RANBP17: variants seen among roughly 807,000 people sequenced by gnomAD.
RANBP17 encodes RAN binding protein 17.
Under a neutral mutation model 141.2 loss-of-function variants are expected in RANBP17, and 158 were observed. The observed-to-expected ratio is 1.12, with a 90% CI of 0.98 to 1.28. The LOEUF is 1.28. RANBP17 is among the 50% of genes most tolerant of loss of function. RANBP17 has a pLI of 0.00. For missense variants in RANBP17, 1,438 were observed against 1,290.7 expected (o/e 1.11, Z -1.75); for synonymous variants, 430 against 450.0 (o/e 0.96, Z 0.56).
At chr5:171,194,064 T>C (rs1761820802) in intron 18 of RANBP17, among the ~76,000 whole-genome samples, 1 of 152,284 alleles carries the variant, frequency 6.6e-6, no homozygotes, top group East Asian at 1.9e-4. Context: ...ATTACTTGCT[T>C]CTCCTTGCCC....
At position 170,924,375 on chromosome 5, in the gene RANBP17, A is replaced by G; in HGVS notation, c.1293A>G (p.Pro431=). 6 of 1,591,938 alleles carry G rather than the reference A, an allele frequency of 3.8e-6. No individual in the cohort carries two copies. The East Asian group carries it at 1.4e-4, about 36-fold the overall frequency. Residue 431 remains proline, a synonymous_variant, in exon 12 of 28, where the codon CCA becomes CCG. Coordinates refer to ENST00000523189, the MANE Select transcript of RANBP17 (RefSeq NM_022897.5). ...AIVVRDHLDD[P]LDDTATVFQQ... is the part of the protein sequence containing the mutation. ...TTTGCAGAGATCACTTAGATGATCCACTGGATGATACTGCCACTGTGTTTC... is the reference window on the plus strand; with the variant it reads ...TTTGCAGAGATCACTTAGATGATCCGCTGGATGATACTGCCACTGTGTTTC...
chr5:171,044,598 A>T (rs539367881), intron 14 of RANBP17, among the ~76,000 whole-genome samples: 3 of 152,186 alleles, frequency 2.0e-5, no homozygotes, highest in African/African-American at 7.2e-5. Flanking sequence ...ATATTAGAGA[A>T]ACTGTCAATA....
chr5:170,905,502 A>G (rs929039891), intron 5 of RANBP17, among the ~76,000 whole-genome samples: 1 of 152,130 alleles, frequency 6.6e-6, no homozygotes. Flanking sequence ...ATTAGAAAAT[A>G]TTTTTAGATT....
At chr5:170,954,511 TACACACACACACAC>T (rs71787034) in intron 13 of RANBP17, among the ~76,000 whole-genome samples, 11 of 125,708 alleles carry the variant, frequency 8.8e-5, no homozygotes, top group East Asian at 7.2e-4. Flanking sequence ...TGGTATATTT[TACACACACACACAC>T]ACACACACAC....
chr5:170,862,299 G>A (rs1346032742), intron 1 of RANBP17, among the ~76,000 whole-genome samples: 1 of 152,186 alleles, frequency 6.6e-6, no homozygotes, highest in Non-Finnish European at 1.5e-5. Flanking sequence ...CGGGTGGAGG[G>A]GGCGGGGGAC....
At chr5:171,210,277 C>G (rs1762799779) in intron 20 of RANBP17, among the ~76,000 whole-genome samples, 1 of 152,088 alleles carries the variant, frequency 6.6e-6, no homozygotes, top group African/African-American at 2.4e-5. Flanking sequence ...CTCTGCAGCC[C>G]TTTTAACCTC....
Position 171,092,387 on chromosome 5 carries a change from T to A in RANBP17, c.1711-77743T>A, listed in dbSNP as rs1786362062. Among the ~76,000 whole-genome samples, 3 of 152,322 alleles carry A rather than the reference T, an allele frequency of 2.0e-5. No individual in the cohort carries two copies. In the South Asian group the frequency reaches 6.2e-4, roughly 32 times the overall value. The stretch of plus-strand genomic sequence containing the variant: ...GCAGTGACTCATACAACAAAAATGT[T>A]CCCAGTTTGTGAGTGACGCTCTGTG... On this transcript the variant is annotated intron_variant, in intron 14 of 27. Transcript: ENST00000523189.
intron 14 of RANBP17, among the ~76,000 whole-genome samples, chr5:171,137,952 T>G (rs1002062247): frequency 4.7e-5 from 6 of 127,734 alleles, no homozygotes; most frequent in Non-Finnish European, 6.6e-5. Context: ...ATATATGAGA[T>G]ATATATATAT....
At chr5:171,056,811 ATT>A (rs1432708338) in intron 14 of RANBP17, among the ~76,000 whole-genome samples, 2 of 151,596 alleles carry the variant, frequency 1.3e-5, no homozygotes, top group African/African-American at 4.8e-5. Context: ...ATTTAGCCAA[ATT>A]ATACCTCAAA....
chr5:171,260,300 CAA>C (rs35656692), intron 24 of RANBP17, among the ~76,000 whole-genome samples: 2 of 108,562 alleles, frequency 1.8e-5, no homozygotes, highest in Middle Eastern at 4.7e-3. Flanking sequence ...GACTCCATCT[CAA>C]AAAAAAAAAA....
At chr5:171,195,951 T>G (rs1761954473) in intron 18 of RANBP17, among the ~76,000 whole-genome samples, 1 of 152,220 alleles carries the variant, frequency 6.6e-6, no homozygotes, top group African/African-American at 2.4e-5. Flanking sequence ...GCGTAAGCAC[T>G]CAAGGAATAA....
chr5:171,235,661 G>A (rs1764497641), intron 22 of RANBP17, among the ~76,000 whole-genome samples: 1 of 152,102 alleles, frequency 6.6e-6, no homozygotes, highest in African/African-American at 2.4e-5. Flanking sequence ...GAGTGCAGTG[G>A]TGTGATCATG....
At chr5:171,070,982 G>T (rs2127692397) in intron 14 of RANBP17, among the ~76,000 whole-genome samples, 2 of 152,030 alleles carry the variant, frequency 1.3e-5, no homozygotes, top group Admixed American at 1.3e-4. Flanking sequence ...AAACATTCTG[G>T]TACATAACTG....
At chr5:170,955,613 C>T (rs866009941) in intron 13 of RANBP17, among the ~76,000 whole-genome samples, 6 of 33,578 alleles carry the variant, frequency 1.8e-4, no homozygotes, top group African/African-American at 6.6e-4. Context: ...TATATATGCT[C>T]AGTGTATATA....
intron 12 of RANBP17, among the ~76,000 whole-genome samples, chr5:170,948,290 G>A (rs556890176): frequency 6.6e-6 from 1 of 152,154 alleles, no homozygotes; most frequent in Admixed American, 6.6e-5. Flanking sequence ...TAAGTACCTA[G>A]GATAGATAAT....
At chr5:170,939,703 A>G (rs1774179457) in intron 12 of RANBP17, among the ~76,000 whole-genome samples, 2 of 152,186 alleles carry the variant, frequency 1.3e-5, no homozygotes, top group African/African-American at 4.8e-5. Context: ...CATTCATTTT[A>G]ACATTCATAG....
chr5:170,994,907 A>G (rs1395861380), intron 14 of RANBP17, among the ~76,000 whole-genome samples: 1 of 152,068 alleles, frequency 6.6e-6, no homozygotes, highest in Admixed American at 6.6e-5. Context: ...TTAAATCTAG[A>G]TCTTATGTCA....
intron 11 of RANBP17, among the ~76,000 whole-genome samples, chr5:170,919,876 T>C (rs1166066603): frequency 1.4e-5 from 2 of 143,182 alleles, no homozygotes; most frequent in South Asian, 2.1e-4. Context: ...TACCTGTAAT[T>C]TTTTTTTTGT....
chr5:171,128,023 T>C (rs1171092159), intron 14 of RANBP17, among the ~76,000 whole-genome samples: 1 of 152,088 alleles, frequency 6.6e-6, no homozygotes, highest in Non-Finnish European at 1.5e-5. Context: ...CCAGTTGTGG[T>C]GGCGGGCACC....
Sources: gnomAD v4.1 joint callset for allele counts (sites outside exome capture counted in the v4.1 genomes callset) on GRCh38, gnomAD v4.1.1 for gene constraint, MANE v1.5 for transcripts, NCBI Gene and HGNC (gene_info 2026-07-23, HGNC 2026-07-21) for gene names.